KCNAB1: variants seen among roughly 807,000 people sequenced by gnomAD.
The protein encoded by KCNAB1 is voltage-gated potassium channel subunit beta-1.
Under a neutral mutation model 64.6 loss-of-function variants are expected in KCNAB1, and 35 were observed. That is an observed-to-expected ratio of 0.54 (90% CI 0.41 to 0.72). KCNAB1 has a LOEUF of 0.72. Among genes scored for constraint, KCNAB1 ranks in the 30% least tolerant of loss-of-function variants. KCNAB1 has a pLI of 0.00. For missense variants in KCNAB1, 401 were observed against 512.9 expected (o/e 0.78, Z 2.11); for synonymous variants, 177 against 183.8 (o/e 0.96, Z 0.30).
chr3:156,428,885 C>G (rs1716020808), intron 2 of KCNAB1, among the ~76,000 whole-genome samples: 1 of 152,016 alleles, frequency 6.6e-6, no homozygotes, highest in Non-Finnish European at 1.5e-5. Context: ...CACACATCCT[C>G]AAGACTTTAA....
intron 1 of KCNAB1, among the ~76,000 whole-genome samples, chr3:156,284,534 G>A (rs2108508526): frequency 6.6e-6 from 1 of 152,310 alleles, no homozygotes; most frequent in East Asian, 1.9e-4. Context: ...ACCTAATCAA[G>A]CCTGGGCAAT....
chr3:156,454,976 G>A (rs1204312885), intron 3 of KCNAB1, among the ~76,000 whole-genome samples: 3 of 152,180 alleles, frequency 2.0e-5, no homozygotes, highest in African/African-American at 7.2e-5. Flanking sequence ...CGATAAAGCT[G>A]TCATGAATGG....
At chr3:156,324,788 T>C (rs949235654) in intron 1 of KCNAB1, among the ~76,000 whole-genome samples, 1 of 152,132 alleles carries the variant, frequency 6.6e-6, no homozygotes, top group African/African-American at 2.4e-5. Context: ...GCTCAGGTAA[T>C]AAAAAGACCA....
At chr3:156,247,222 C>T (rs1422120465) in intron 1 of KCNAB1, among the ~76,000 whole-genome samples, 1 of 152,136 alleles carries the variant, frequency 6.6e-6, no homozygotes, top group African/African-American at 2.4e-5. Context: ...AGCCTGAGCT[C>T]ATTCATATGG....
chr3:156,171,266 C>T (rs570931826), intron 1 of KCNAB1, among the ~76,000 whole-genome samples: 2 of 151,414 alleles, frequency 1.3e-5, no homozygotes, highest in East Asian at 2.0e-4. Context: ...ACCTGTGTCA[C>T]CCCTTGCAGG....
intron 1 of KCNAB1, among the ~76,000 whole-genome samples, chr3:156,232,806 A>G (rs913321149): frequency 6.6e-6 from 1 of 152,250 alleles, no homozygotes; most frequent in African/African-American, 2.4e-5. Flanking sequence ...CAGAAATACT[A>G]AAATGCCTTA....
intron 1 of KCNAB1, among the ~76,000 whole-genome samples, chr3:156,285,533 A>T (rs1233710408): frequency 1.3e-5 from 2 of 152,006 alleles, no homozygotes; most frequent in South Asian, 4.2e-4. Context: ...GGGGGGTCTC[A>T]CTTTGTCACT....
rs923733382 is a variant in KCNAB1 at position 156,523,920 on chromosome 3, G to C, written c.1054G>C (p.Gly352Arg). The C allele has an allele frequency of 6.2e-7, 1 of 1,614,050 alleles. No individual in the cohort carries two copies. Among genetic ancestry groups the C allele is most frequent in the Admixed American group, 1.7e-5 (1 of 60,010 alleles). The change falls in exon 12 of 14, where the codon GGA (glycine) becomes CGA (arginine). Residue 352 changes from glycine (G) to arginine (R), a missense_variant. Physicochemically the swap from Gly to Arg is moderately radical, Grantham distance 125. Transcript: ENST00000490337. ...KDLSPIAERL[G>R]CTLPQLAVAW... is the part of the protein sequence containing the mutation. ...CCTTTCCCCAATTGCGGAGCGTCTG[G>C]GATGCACACTACCTCAGCTAGCTGT...
In KCNAB1 at chr3:156,537,006, T is replaced by G. The variant is rs1719099760; in HGVS notation, c.*259T>G. 2 of 490,704 alleles carry G rather than the reference T, an allele frequency of 4.1e-6. No homozygotes were observed. Among genetic ancestry groups the G allele is most frequent in the Non-Finnish European group, 3.6e-6 (1 of 279,844 alleles). 30.4% of individuals were successfully genotyped at this position (490,704 alleles called of 1,614,324 possible). On this transcript the variant is annotated 3_prime_UTR_variant, in exon 14 of 14. Coordinates refer to ENST00000490337, the MANE Select transcript of KCNAB1 (RefSeq NM_172160.3). ...CATTGCTGTATACACCTCATGCTTA[T>G]GCAATGGGAAGAATATGGGGGCCAG...
intron 1 of KCNAB1, among the ~76,000 whole-genome samples, chr3:156,340,481 C>A (rs557208363): frequency 4.6e-5 from 7 of 152,302 alleles, no homozygotes; most frequent in African/African-American, 1.7e-4. Context: ...TGAGGGGCAC[C>A]ATGGCAGATG....
chr3:156,531,327 C>T, intron 12 of KCNAB1, 82 bp from the exon 13 acceptor site: 1 of 1,071,456 alleles, frequency 9.3e-7, no homozygotes, highest in Non-Finnish European at 1.5e-6. Flanking sequence ...TTGGCTGCAA[C>T]AAACAGCTGT....
intron 1 of KCNAB1, among the ~76,000 whole-genome samples, chr3:156,394,825 G>C (rs1713306663): frequency 6.6e-6 from 1 of 152,098 alleles, no homozygotes; most frequent in African/African-American, 2.4e-5. Flanking sequence ...AGGAGTTCTT[G>C]CTCCAGTGTT....
At chr3:156,276,861 G>A (rs1362974497) in intron 1 of KCNAB1, among the ~76,000 whole-genome samples, 2 of 152,008 alleles carry the variant, frequency 1.3e-5, no homozygotes, top group Non-Finnish European at 2.9e-5. Flanking sequence ...AGGCTCTTTT[G>A]CTTTCTTATC....
At chr3:156,539,034 AGTT>A (rs1719281855), downstream of KCNAB1, 1 of 152,180 alleles carries the variant, frequency 6.6e-6, no homozygotes, top group African/African-American at 2.4e-5. Context: ...TTAGTTAGTT[AGTT>A]AGTTATGTCC....
intron 1 of KCNAB1, among the ~76,000 whole-genome samples, chr3:156,349,930 A>G (rs1054154671): frequency 6.6e-6 from 1 of 151,664 alleles, no homozygotes; most frequent in African/African-American, 2.4e-5. Context: ...CCTTTTTCTT[A>G]TTTCCTATGA....
chr3:156,224,954 G>A (rs1445812326), intron 1 of KCNAB1, among the ~76,000 whole-genome samples: 2 of 152,110 alleles, frequency 1.3e-5, no homozygotes, highest in African/African-American at 4.8e-5. Context: ...AAAAAGTTCA[G>A]GACCAGACCG....
chr3:156,432,905 C>T (rs1716329395), intron 2 of KCNAB1, among the ~76,000 whole-genome samples: 1 of 152,164 alleles, frequency 6.6e-6, no homozygotes, highest in Non-Finnish European at 1.5e-5. Flanking sequence ...GAGAGGAGCA[C>T]AGCAGTCCCC....
chr3:156,380,879 A>C (rs1363500836), intron 1 of KCNAB1, among the ~76,000 whole-genome samples: 1 of 152,194 alleles, frequency 6.6e-6, no homozygotes, highest in Non-Finnish European at 1.5e-5. Flanking sequence ...AACTAAACTC[A>C]CTATAACAGG....
At chr3:156,380,212 G>C (rs1292763569) in intron 1 of KCNAB1, among the ~76,000 whole-genome samples, 1 of 152,202 alleles carries the variant, frequency 6.6e-6, no homozygotes, top group East Asian at 1.9e-4. Context: ...TCCATTGCCA[G>C]GAAGAGAGCA....
Sources: allele counts gnomAD v4.1 joint callset (sites outside exome capture counted in the v4.1 genomes callset), GRCh38; gene constraint gnomAD v4.1.1; transcripts MANE v1.5; gene names NCBI Gene and HGNC (gene_info 2026-07-23, HGNC 2026-07-21).